The following SLF1 variants were observed in gnomAD, a reference collection of about 807,000 sequenced individuals.
SLF1 encodes the protein SMC5-SMC6 complex localization factor protein 1.
Under a neutral mutation model 123.0 loss-of-function variants are expected in SLF1, and 105 were observed. That is an observed-to-expected ratio of 0.85 (90% confidence interval 0.73 to 1.00). The LOEUF is 1.00. SLF1 is among the 50% of genes least tolerant of loss of function. The pLI is 0.00. For synonymous variants in SLF1, 434 were observed against 406.6 expected, an observed-to-expected ratio of 1.07 and a Z score of -0.81; for missense variants, 1,239 against 1,223.0, an observed-to-expected ratio of 1.01 and a Z score of -0.20.
At chr5:94,675,368 G>A (rs1174233077) in intron 14 of SLF1, among the ~76,000 whole-genome samples, 1 of 152,098 alleles carries the variant, frequency 6.6e-6, no homozygotes, top group African/African-American at 2.4e-5. Context: ...AATTCTTAGG[G>A]TATTCGTGTT....
intron 11 of SLF1, 80 bp from the exon 12 acceptor site, chr5:94,665,780 GT>G: frequency 8.0e-7 from 1 of 1,257,038 alleles, no homozygotes; most frequent in Admixed American, 2.3e-5. Flanking sequence ...CAGGGTTACT[GT>G]TTTGGTTTTA....
At chr5:94,688,730 A>G in intron 17 of SLF1, 61 bp downstream of exon 17, 2 of 1,562,360 alleles carry the variant, frequency 1.3e-6, no homozygotes, top group Non-Finnish European at 1.8e-6. Context: ...TCTCTGATGC[A>G]TTTCTTGAAC....
In SLF1 at chr5:94,664,132, T is replaced by A. The variant is rs141050226; in HGVS notation, c.1368+224T>A. On this transcript the variant is annotated intron_variant, in intron 11 of 20. Transcript: ENST00000265140. ...AATGATTTTCTCAGGATTTCTAAGA[T>A]AATTTTGTTTTGGGGAAAAAGGTTA... is the stretch of plus-strand genomic sequence containing the variant. Among the ~76,000 whole-genome samples the A allele has an allele frequency of 5.9e-5, 9 of 152,324 alleles. 1 individual carries two copies. The East Asian group carries it at 1.7e-3, about 29-fold the overall frequency.
At position 94,653,355 on chromosome 5, in the gene SLF1, C is replaced by G. The variant is rs1217044063; in HGVS notation, c.966C>G (p.Cys322Trp). ...GCAAGAAAGGAAAAGAAAGCAATTG[C>G]AAGAAAGGCGTTGAACATGAAAAAA... ...RKRKKGKESN[C>W]KKGVEHEKIK... is the part of the protein sequence containing the mutation. Residue 322 changes from cysteine (C) to tryptophan (W), a missense_variant, in exon 8 of 21, where the codon TGC becomes TGG. Coordinates refer to ENST00000265140, the MANE Select transcript of SLF1 (RefSeq NM_032290.4). 2.6e-6 allele frequency: 4 copies of G among 1,528,898 alleles called. No individual in the cohort carries two copies. Among genetic ancestry groups the G allele is most frequent in the Non-Finnish European group, 3.5e-6 (4 of 1,140,394 alleles). 94.7% of individuals were successfully genotyped at this position (1,528,898 alleles called of 1,614,324 possible).
Position 94,688,535 on chromosome 5 carries a change from A to T in SLF1, c.2151A>T (p.Lys717Asn), listed in dbSNP as rs1204287126. The T allele has an allele frequency of 6.2e-7, 1 of 1,614,084 alleles. No individual in the cohort carries two copies. Among genetic ancestry groups the T allele is most frequent in the Admixed American group, 1.7e-5 (1 of 60,018 alleles). Residue 717 changes from lysine to asparagine, a missense_variant, in exon 17 of 21, where the codon AAA becomes AAT. Physicochemically the swap from Lys to Asn is moderately conservative, Grantham distance 94 (BLOSUM62 0). Coordinates refer to ENST00000265140, the MANE Select transcript of SLF1 (RefSeq NM_032290.4). ...MVYSYLPALG[K>N]TGVLGSGKIQ... ...ATTCCTATTTACCAGCCTTGGGGAA[A>T]ACTGGTGTGCTTGGGTCTGGAAAGA...
At chr5:94,646,942 A>T (rs898273961) in intron 5 of SLF1, among the ~76,000 whole-genome samples, 11 of 152,196 alleles carry the variant, frequency 7.2e-5, no homozygotes, top group Admixed American at 1.3e-4. Flanking sequence ...AGTCATATTT[A>T]AACCTCATGT....
At chr5:94,666,509 A>C (rs1749775713) in intron 12 of SLF1, among the ~76,000 whole-genome samples, 1 of 152,232 alleles carries the variant, frequency 6.6e-6, no homozygotes, top group African/African-American at 2.4e-5. Flanking sequence ...GTCACTGCCT[A>C]GACCTTCCTC....
At chr5:94,653,091 A>C (rs912342744) in intron 7 of SLF1, among the ~76,000 whole-genome samples, 181 bp from the exon 8 acceptor site, 3 of 152,160 alleles carry the variant, frequency 2.0e-5, no homozygotes, top group Admixed American at 1.3e-4. Context: ...TCCCGACCTC[A>C]GGTGATCCGC....
rs1456246652 is a variant in SLF1, at chr5:94,686,671, C to T, written c.2074C>T (p.Gln692Ter). Residue 692 changes from glutamine to a stop codon, truncating the protein, a stop_gained, in exon 16 of 21, where the codon CAG (glutamine) becomes TAG (stop). Coordinates refer to ENST00000265140, the MANE Select transcript of SLF1 (RefSeq NM_032290.4). LOFTEE classifies it high-confidence loss of function. The stretch of plus-strand genomic sequence containing the variant: ...GGCAGTCTTTAAAAAGTTGTGTCTA[C>T]AGAGCTCTGGCAGTGTTTCTTCTGA... ...AEAVFKKLCLQSSGSVSSEPL... is the reference protein window; with the variant it reads ...AEAVFKKLCL 1.9e-6 allele frequency: 3 copies of T among 1,614,018 alleles called. No individual in the cohort carries two copies. The highest frequency in any genetic ancestry group is 1.3e-5 in the African/African-American group (1 of 74,934).
At chr5:94,672,467 C>T (rs1750582244) in intron 14 of SLF1, among the ~76,000 whole-genome samples, 1 of 151,712 alleles carries the variant, frequency 6.6e-6, no homozygotes, top group South Asian at 2.1e-4. Context: ...CTTTCTCTCC[C>T]TCTACCATTT....
At chr5:94,654,805 T>C in intron 9 of SLF1, 53 bp downstream of exon 9, 1 of 1,308,466 alleles carries the variant, frequency 7.6e-7, no homozygotes, top group Non-Finnish European at 1.0e-6. Context: ...TACTGTAGTG[T>C]ATTCAAAATA....
At chr5:94,653,015 G>A (rs144584242) in intron 7 of SLF1, among the ~76,000 whole-genome samples, 30 of 152,162 alleles carry the variant, frequency 2.0e-4, no homozygotes, top group African/African-American at 6.3e-4. Context: ...GTGCCACCAC[G>A]CCTGGCTAAT....
At chr5:94,677,136 G>T (rs1751164993) in intron 14 of SLF1, among the ~76,000 whole-genome samples, 1 of 152,026 alleles carries the variant, frequency 6.6e-6, no homozygotes, top group East Asian at 1.9e-4. Flanking sequence ...AGTATAAAAG[G>T]ATCCAAGAAC....
Position 94,649,617 on chromosome 5 carries a change from A to G in SLF1, c.738+20A>G, listed in dbSNP as rs1485928429. 1 of 1,439,586 alleles carries G rather than the reference A, an allele frequency of 6.9e-7. No homozygotes were observed. The highest frequency in any genetic ancestry group is 9.3e-7 in the Non-Finnish European group (1 of 1,079,748). The allele number at this position is 1,439,586 out of a possible 1,614,324, so 89.2% of individuals were successfully genotyped here. A position where few individuals can be genotyped will look rare whatever the true frequency, so the allele number is the denominator to read the frequency against. ...ACCCAGGTAAACTTTATAGGCTGAA[A>G]AACATACATTTCTGATGTTTCTTAT... On this transcript the variant is annotated intron_variant, in intron 6 of 20. Coordinates refer to ENST00000265140, the MANE Select transcript of SLF1 (RefSeq NM_032290.4).
chr5:94,642,127 C>T (rs181884239), intron 4 of SLF1, among the ~76,000 whole-genome samples: 270 of 152,318 alleles, frequency 1.8e-3, no homozygotes, highest in African/African-American at 5.8e-3. Context: ...AGGCAAAAGA[C>T]TGTCTTATTC....
At chr5:94,644,604 G>A (rs1045253220) in intron 5 of SLF1, among the ~76,000 whole-genome samples, 3 of 152,120 alleles carry the variant, frequency 2.0e-5, no homozygotes, top group African/African-American at 7.2e-5. Flanking sequence ...TTCTCCTTCT[G>A]AAAAGTTATT....
At chr5:94,694,765 A>G in intron 20 of SLF1, 66 bp from the exon 21 acceptor site, 1 of 1,507,596 alleles carries the variant, frequency 6.6e-7, no homozygotes, top group African/African-American at 1.4e-5. Context: ...AAAAAGGAGA[A>G]AAGAGCTGTT....
At chr5:94,662,163 A>G (rs776350792) in intron 9 of SLF1, 135 bp from the exon 10 acceptor site, 1 of 561,530 alleles carries the variant, frequency 1.8e-6, no homozygotes, top group Non-Finnish European at 2.9e-6. Context: ...TTGAGTAAAT[A>G]TGAGTATCAT....
chr5:94,676,720 A>G (rs888772854), intron 14 of SLF1, among the ~76,000 whole-genome samples: 2 of 152,242 alleles, frequency 1.3e-5, no homozygotes, highest in African/African-American at 2.4e-5. Context: ...ACCTGCACAC[A>G]TGCTACTGGT....
Sources: allele counts gnomAD v4.1 joint callset (sites outside exome capture counted in the v4.1 genomes callset), GRCh38; gene constraint gnomAD v4.1.1; transcripts MANE v1.5; gene names NCBI Gene and HGNC (gene_info 2026-07-23, HGNC 2026-07-21).